Variants in NDUFAF2 observed in about 807,000 individuals in gnomAD.
The protein encoded by NDUFAF2 is NADH:ubiquinone oxidoreductase complex assembly factor 2.
Under a neutral mutation model 22.8 loss-of-function variants are expected in NDUFAF2, and 13 were observed. The ratio of observed to expected loss-of-function variants is 0.57; its 90% CI spans 0.37 to 0.91. The LOEUF (loss-of-function observed/expected upper bound fraction) is 0.91. NDUFAF2 is among the 40% of genes least tolerant of loss of function. NDUFAF2 has a pLI of 0.01. For missense variants in NDUFAF2, 162 were observed against 195.2 expected (o/e 0.83, Z 1.01); for synonymous variants, 53 against 64.2 (o/e 0.83, Z 0.84).
intron 3 of NDUFAF2, among the ~76,000 whole-genome samples, chr5:61,143,958 TTTTGTGTGTGTGTGTG>T (rs1366637388): frequency 9.2e-4 from 116 of 125,634 alleles, no homozygotes; most frequent in African/African-American, 2.4e-3. Flanking sequence ...AATGGCATAT[TTTTGTGTGTGTGTGTG>T]TGTGTGTGTG....
chr5:61,075,294 A>C (rs1376179262), intron 2 of NDUFAF2, among the ~76,000 whole-genome samples: 1 of 152,158 alleles, frequency 6.6e-6, no homozygotes, highest in African/African-American at 2.4e-5. Flanking sequence ...ACATCATTTC[A>C]GTAAAAATAT....
At chr5:61,006,878 G>C (rs1025533665) in intron 1 of NDUFAF2, among the ~76,000 whole-genome samples, 2 of 152,054 alleles carry the variant, frequency 1.3e-5, no homozygotes, top group Admixed American at 1.3e-4. Context: ...AATAACCAGA[G>C]CTTCCAAAAA....
chr5:61,091,643 T>C (rs1257975714), intron 2 of NDUFAF2, among the ~76,000 whole-genome samples: 2 of 152,348 alleles, frequency 1.3e-5, no homozygotes, highest in East Asian at 1.9e-4. Flanking sequence ...TTGTTGATAG[T>C]TTCTTTTGCT....
At chr5:60,956,950 G>A (rs1201308795) in intron 1 of NDUFAF2, among the ~76,000 whole-genome samples, 1 of 96,170 alleles carries the variant, frequency 1.0e-5, no homozygotes, top group Non-Finnish European at 2.2e-5. Context: ...ATCAAAAGAG[G>A]TATTAACCAA....
chr5:60,990,197 A>G (rs763911811), intron 1 of NDUFAF2, among the ~76,000 whole-genome samples: 3 of 152,048 alleles, frequency 2.0e-5, no homozygotes, highest in Admixed American at 6.6e-5. Context: ...TTGCAAAAAT[A>G]TACAGAATGA....
intron 3 of NDUFAF2, among the ~76,000 whole-genome samples, chr5:61,150,314 GT>G (rs1741211871): frequency 6.6e-6 from 1 of 152,012 alleles, no homozygotes; most frequent in African/African-American, 2.4e-5. Context: ...TACCAGTTAT[GT>G]TTTTGGTACC....
intron 3 of NDUFAF2, among the ~76,000 whole-genome samples, chr5:61,117,411 A>T (rs1257668549): frequency 6.6e-6 from 1 of 152,216 alleles, no homozygotes; most frequent in Non-Finnish European, 1.5e-5. Context: ...GCTGGAGTGC[A>T]GTGGCACTGT....
At chr5:60,950,466 T>C (rs1434517263) in intron 1 of NDUFAF2, among the ~76,000 whole-genome samples, 1 of 152,162 alleles carries the variant, frequency 6.6e-6, no homozygotes, top group Non-Finnish European at 1.5e-5. Flanking sequence ...ATTACAGGCA[T>C]GAGCCACCAC....
At chr5:61,107,326 A>G (rs1226922990) in intron 3 of NDUFAF2, among the ~76,000 whole-genome samples, 4 of 151,268 alleles carry the variant, frequency 2.6e-5, no homozygotes, top group Non-Finnish European at 2.9e-5. Flanking sequence ...TTGCATTTCT[A>G]TGATGATCAG....
At position 61,033,080 on chromosome 5, in the gene NDUFAF2, G is replaced by A. The variant is rs186164055; in HGVS notation, c.128-40045G>A. On this transcript the variant is annotated intron_variant, in intron 1 of 3. Coordinates refer to ENST00000296597, the MANE Select transcript of NDUFAF2 (RefSeq NM_174889.5). ...TGTTTGTGTCCTCTCTTATTTACTC[G>A]AGTAGTAGTTTGTAGTTCTCCTTGA... 1.9e-4 allele frequency among the ~76,000 whole-genome samples: 29 copies of A among 152,116 alleles called. No homozygotes were observed. In the East Asian group the frequency reaches 5.4e-3, roughly 28 times the overall value.
chr5:61,143,132 A>C (rs568420769), intron 3 of NDUFAF2, among the ~76,000 whole-genome samples: 1 of 152,102 alleles, frequency 6.6e-6, no homozygotes. Flanking sequence ...TTTTATAATT[A>C]TATTGAGGAT....
intron 1 of NDUFAF2, among the ~76,000 whole-genome samples, chr5:61,052,824 A>G (rs1752041778): frequency 6.6e-6 from 1 of 152,218 alleles, no homozygotes; most frequent in East Asian, 1.9e-4. Flanking sequence ...TTCTGGGGCG[A>G]ATATGATAGT....
At chr5:61,021,863 A>G (rs1381750757) in intron 1 of NDUFAF2, among the ~76,000 whole-genome samples, 1 of 152,180 alleles carries the variant, frequency 6.6e-6, no homozygotes, top group Non-Finnish European at 1.5e-5. Flanking sequence ...AGTGAGATTT[A>G]TTGTAAGGAA....
At position 60,994,368 on chromosome 5, in the gene NDUFAF2, C is replaced by A. The variant is rs538456913; in HGVS notation, c.127+48986C>A. Among the ~76,000 whole-genome samples the A allele has an allele frequency of 8.9e-4, 136 of 152,294 alleles. 1 individual carries two copies. Among genetic ancestry groups the A allele is most frequent in the African/African-American group, 3.2e-3 (132 of 41,562 alleles). Reference sequence around the variant, plus strand: ...CCTGCCTGCTCCAGGAGTGGGAGGCCCGGGTCCACAGCCACAACTCTGTCA... The same window carrying A: ...CCTGCCTGCTCCAGGAGTGGGAGGCACGGGTCCACAGCCACAACTCTGTCA... On this transcript the variant is annotated intron_variant, in intron 1 of 3. Coordinates refer to ENST00000296597, the MANE Select transcript of NDUFAF2 (RefSeq NM_174889.5).
chr5:61,026,242 G>C (rs995676444), intron 1 of NDUFAF2, among the ~76,000 whole-genome samples: 2 of 151,990 alleles, frequency 1.3e-5, no homozygotes, highest in African/African-American at 4.8e-5. Context: ...GTAGCAGCCT[G>C]CAGGGGAGGA....
chr5:61,050,672 T>C (rs1275666275), intron 1 of NDUFAF2: 1 of 152,216 alleles, frequency 6.6e-6, no homozygotes, highest in Admixed American at 6.5e-5. Flanking sequence ...AGTTTTCCTT[T>C]CATTACCAAT....
At chr5:60,997,966 C>T (rs1171037332) in intron 1 of NDUFAF2, among the ~76,000 whole-genome samples, 2 of 152,182 alleles carry the variant, frequency 1.3e-5, no homozygotes, top group African/African-American at 2.4e-5. Flanking sequence ...TAATGTGCCT[C>T]CCAGCCAACA....
At chr5:61,004,971 G>T (rs1248557807) in intron 1 of NDUFAF2, among the ~76,000 whole-genome samples, 2 of 151,622 alleles carry the variant, frequency 1.3e-5, no homozygotes, top group African/African-American at 4.8e-5. Context: ...AAGTTCTAGG[G>T]TACGTGTGCA....
chr5:61,012,092 C>CTGTTT (rs528706835), intron 1 of NDUFAF2, among the ~76,000 whole-genome samples: 2 of 152,084 alleles, frequency 1.3e-5, no homozygotes, highest in East Asian at 1.9e-4. Flanking sequence ...ACCATTCACA[C>CTGTTT]TGTTTTGTTT....
Sources: allele counts gnomAD v4.1 joint callset (sites outside exome capture counted in the v4.1 genomes callset), GRCh38; gene constraint gnomAD v4.1.1; transcripts MANE v1.5; gene names NCBI Gene and HGNC (gene_info 2026-07-23, HGNC 2026-07-21).